The following LRRC28 variants were observed in gnomAD, a reference collection of about 807,000 sequenced individuals.
LRRC28 encodes leucine-rich repeat-containing protein 28.
Under a neutral mutation model 45.7 loss-of-function variants are expected in LRRC28, and 39 were observed. The ratio of observed to expected loss-of-function variants is 0.85; its 90% CI spans 0.66 to 1.12. The LOEUF (loss-of-function observed/expected upper bound fraction) is 1.12, where lower values mean the gene tolerates loss of function less well. Ranked by LOEUF, LRRC28 falls within the 50% of genes most tolerant of loss-of-function variation. LRRC28 has a pLI of 0.00. For synonymous variants in LRRC28, 206 were observed against 178.8 expected, an observed-to-expected ratio of 1.15 and a Z score of -1.22; for missense variants, 435 against 438.5, an observed-to-expected ratio of 0.99 and a Z score of 0.07.
intron 3 of LRRC28, among the ~76,000 whole-genome samples, chr15:99,280,930 A>G (rs2081769427): frequency 6.6e-6 from 1 of 151,966 alleles, no homozygotes; most frequent in East Asian, 1.9e-4. Context: ...CAGTTTGGAC[A>G]AATTGTATGT....
At chr15:99,291,882 T>G (rs377523166) in intron 5 of LRRC28, among the ~76,000 whole-genome samples, 1 of 152,240 alleles carries the variant, frequency 6.6e-6, no homozygotes, top group African/African-American at 2.4e-5. Flanking sequence ...TGAAGTAGTA[T>G]TGCATTTTTT....
intron 5 of LRRC28, among the ~76,000 whole-genome samples, chr15:99,330,911 A>T (rs904898878): frequency 6.6e-6 from 1 of 151,924 alleles, no homozygotes. Context: ...TTTCCTCTGA[A>T]CATGATGAGT....
intron 1 of LRRC28, chr15:99,251,791 C>G (rs971974276): frequency 1.3e-5 from 2 of 152,278 alleles, no homozygotes; most frequent in African/African-American, 4.8e-5. Flanking sequence ...CTCGCTGCTT[C>G]CCAACTGTAA....
chr15:99,348,390 G>A (rs1458484401), intron 6 of LRRC28, among the ~76,000 whole-genome samples: 1 of 152,096 alleles, frequency 6.6e-6, no homozygotes. Flanking sequence ...TATTCTAGGA[G>A]CTTTATGGTT....
chr15:99,311,602 C>A (rs1955413309), intron 5 of LRRC28, among the ~76,000 whole-genome samples: 1 of 152,206 alleles, frequency 6.6e-6, no homozygotes, highest in Non-Finnish European at 1.5e-5. Flanking sequence ...AACTATGACA[C>A]ACAGACCCAA....
intron 9 of LRRC28, among the ~76,000 whole-genome samples, chr15:99,373,596 A>G (rs2152335201): frequency 6.6e-6 from 1 of 152,324 alleles, no homozygotes; most frequent in Non-Finnish European, 1.5e-5. Flanking sequence ...CTGTTGTGCT[A>G]TCAAATACTA....
intron 6 of LRRC28, among the ~76,000 whole-genome samples, chr15:99,335,355 T>A (rs551178296): frequency 2.0e-5 from 3 of 152,298 alleles, no homozygotes; most frequent in Admixed American, 2.0e-4. Context: ...GAGCCAGAGA[T>A]CATATTTATC....
rs959669374 is a variant in LRRC28, at chr15:99,333,968, A to G, written c.431A>G (p.Asn144Ser). The change falls in exon 6 of 10, where the codon AAT (asparagine) becomes AGT (serine). Residue 144 changes from asparagine to serine, a missense_variant. Transcript: ENST00000301981. ...KELQTLDIST[N>S]RLLTLPERLH... Reference sequence around the variant, plus strand: ...CTGCAGACACTAGACATTTCTACCAATCGTTTGCTAACTTTACCCGAGAGG... The same window carrying G: ...CTGCAGACACTAGACATTTCTACCAGTCGTTTGCTAACTTTACCCGAGAGG... The G allele has an allele frequency of 4.3e-6, 7 of 1,614,064 alleles. No individual in the cohort carries two copies. Among genetic ancestry groups the G allele is most frequent in the Non-Finnish European group, 4.2e-6 (5 of 1,179,982 alleles).
intron 5 of LRRC28, among the ~76,000 whole-genome samples, chr15:99,296,084 TCTG>T (rs2082254202): frequency 6.6e-6 from 1 of 152,228 alleles, no homozygotes; most frequent in African/African-American, 2.4e-5. Flanking sequence ...CTCTAGGGCT[TCTG>T]CTGTTGCTTA....
chr15:99,271,285 AT>A (rs71287826), intron 2 of LRRC28, among the ~76,000 whole-genome samples: 108 of 145,944 alleles, frequency 7.4e-4, no homozygotes, highest in African/African-American at 1.2e-3. Context: ...CAGTGTATCT[AT>A]TTTTTTTTTT....
chr15:99,385,893 A>G, intron 9 of LRRC28, 137 bp from the exon 10 acceptor site: 1 of 734,094 alleles, frequency 1.4e-6, no homozygotes, highest in Non-Finnish European at 2.4e-6. Flanking sequence ...TTGAAAAGGA[A>G]ATTTAAATTT....
chr15:99,348,400 T>C (rs999438597), intron 6 of LRRC28, among the ~76,000 whole-genome samples: 3 of 152,172 alleles, frequency 2.0e-5, no homozygotes, highest in Non-Finnish European at 4.4e-5. Context: ...GCTTTATGGT[T>C]TCAGGTCCTA....
At position 99,333,958 on chromosome 15, in the gene LRRC28, A is replaced by G. The variant is rs1354349562; in HGVS notation, c.421A>G (p.Ile141Val). The change falls in exon 6 of 10, where the codon ATT (isoleucine) becomes GTT (valine). Residue 141 changes from isoleucine to valine, a missense_variant. Ile to Val is a conservative substitution (Grantham distance 29, BLOSUM62 3). Transcript: ENST00000301981. Reference protein sequence around the residue: ...GDLKELQTLDISTNRLLTLPE... With the variant: ...GDLKELQTLDVSTNRLLTLPE... The stretch of plus-strand genomic sequence containing the variant: ...TTTGAAGGAGCTGCAGACACTAGAC[A>G]TTTCTACCAATCGTTTGCTAACTTT... The G allele has an allele frequency of 6.2e-7, 1 of 1,613,962 alleles. No individual in the cohort carries two copies. The highest frequency in any genetic ancestry group is 8.5e-7 in the Non-Finnish European group (1 of 1,180,000).
Position 99,292,356 on chromosome 15 carries a change from A to G in LRRC28, c.385+4405A>G, listed in dbSNP as rs573171493. 8.0e-3 allele frequency among the ~76,000 whole-genome samples: 848 copies of G among 105,732 alleles called. 8 individuals carry two copies. Among genetic ancestry groups the G allele is most frequent in the African/African-American group, 0.027 (813 of 29,730 alleles). 69.4% of individuals were successfully genotyped at this position (105,732 alleles called of 152,430 possible). A position where few individuals can be genotyped will look rare whatever the true frequency, so the allele number is the denominator to read the frequency against. ...GAGCAGGGGGATTTATTAATCGTAC[A>G]GTCTTTTTTTTTTTTTTTTGAAACG... On this transcript the variant is annotated intron_variant, in intron 5 of 9. Transcript: ENST00000301981.
At chr15:99,375,866 G>C (rs1212020365) in intron 9 of LRRC28, among the ~76,000 whole-genome samples, 1 of 151,854 alleles carries the variant, frequency 6.6e-6, no homozygotes, top group Non-Finnish European at 1.5e-5. Context: ...GTCAGTCTTG[G>C]TCAAGATTTA....
intron 9 of LRRC28, among the ~76,000 whole-genome samples, chr15:99,383,659 A>C (rs968182947): frequency 7.2e-5 from 11 of 152,208 alleles, no homozygotes; most frequent in Admixed American, 7.2e-4. Flanking sequence ...ATAATCGTAT[A>C]TCTATGAAGG....
chr15:99,279,416 G>C, intron 3 of LRRC28, among the ~76,000 whole-genome samples: 1 of 152,196 alleles, frequency 6.6e-6, no homozygotes, highest in East Asian at 1.9e-4. Context: ...ACAATTGCCT[G>C]TAATTTGTTT....
intron 9 of LRRC28, among the ~76,000 whole-genome samples, chr15:99,373,740 A>G (rs1393552050): frequency 6.6e-6 from 1 of 152,212 alleles, no homozygotes; most frequent in Non-Finnish European, 1.5e-5. Context: ...AGTTAAGAAA[A>G]AAATTCAAAA....
chr15:99,258,984 T>G (rs941941627), intron 2 of LRRC28: 1 of 760,584 alleles, frequency 1.3e-6, no homozygotes, highest in African/African-American at 1.7e-5. Flanking sequence ...CATAAACTGC[T>G]TAAGGTGATT....
Sources: allele counts gnomAD v4.1 joint callset (sites outside exome capture counted in the v4.1 genomes callset), GRCh38; gene constraint gnomAD v4.1.1; transcripts MANE v1.5; gene names NCBI Gene and HGNC (gene_info 2026-07-23, HGNC 2026-07-21).